The following ATMIN variants were observed in gnomAD, a reference collection of about 807,000 sequenced individuals.
ATMIN encodes the protein ATM INteracting protein.
In ATMIN, 24 loss-of-function variants were observed where a neutral mutation model predicts 49.2. That is an observed-to-expected ratio of 0.49 (90% CI 0.35 to 0.69). The LOEUF (loss-of-function observed/expected upper bound fraction) is 0.69. Ranked by LOEUF, ATMIN falls within the 30% of genes least tolerant of loss-of-function variation. The pLI is 0.00. For synonymous variants in ATMIN, 450 were observed against 392.5 expected (o/e 1.15, Z -1.73); for missense variants, 1,037 against 1,005.5 (o/e 1.03, Z -0.42).
chr16:81,036,292 G>A (rs2151735348), intron 1 of ATMIN, 86 bp downstream of exon 1: 1 of 1,105,484 alleles, frequency 9.0e-7, no homozygotes, highest in Non-Finnish European at 1.1e-6. Flanking sequence ...CGGCCTCGGG[G>A]GGACGAGCGC....
intron 3 of ATMIN, 117 bp downstream of exon 3, chr16:81,042,597 G>A (rs2278021): frequency 0.011 from 11,425 of 1,081,690 alleles, 219 homozygotes; most frequent in East Asian, 0.057. Flanking sequence ...AATGTGTGAC[G>A]TGGAAGAAGG....
In ATMIN at chr16:81,042,261, C is replaced by G. The variant is rs756777295; in HGVS notation, c.463-20C>G. ...ACCAGTTGCTGTTTTTCACCTTAGT[C>G]CCTTCTGCGTTCCTCCTAGCACTTT... On this transcript the variant is annotated intron_variant, in intron 2 of 3. Coordinates refer to ENST00000299575, the MANE Select transcript of ATMIN (RefSeq NM_015251.3). 6.0e-5 allele frequency: 96 copies of G among 1,610,550 alleles called. No individual in the cohort carries two copies. Among genetic ancestry groups the G allele is most frequent in the Non-Finnish European group, 7.9e-5 (93 of 1,178,756 alleles).
intron 1 of ATMIN, chr16:81,037,552 GT>G: frequency 1.1e-6 from 1 of 934,964 alleles, no homozygotes; most frequent in Non-Finnish European, 1.3e-6. Context: ...GCACTCAAGT[GT>G]AACTCTGGGA....
rs746827076 is a variant in ATMIN, at chr16:81,044,707, GAC to G, written c.2213_2214del (p.Thr738ArgfsTer5). Reference protein sequence around the residue: ...SSFSVSTDSSDTETQTEGVST... With the variant: ...SSFSVSTDSSXTETQTEGVST... The stretch of plus-strand genomic sequence containing the variant: ...CTTTTCCGTGAGTACTGATTCATCT[GAC>G]ACAGAGACCCAAACTGAAGGAGTCT... On this transcript the variant is annotated frameshift_variant, in exon 4 of 4. Transcript: ENST00000299575. LOFTEE classifies it high-confidence loss of function. 1 of 1,614,082 alleles carries G rather than the reference GAC, an allele frequency of 6.2e-7. No individual in the cohort carries two copies. The highest frequency in any genetic ancestry group is 1.3e-5 in the African/African-American group (1 of 74,926).
In ATMIN at chr16:81,039,926, G is replaced by A. The variant is rs928902333; in HGVS notation, c.337-1430G>A. Among the ~76,000 whole-genome samples, 10 of 152,158 alleles carry A rather than the reference G, an allele frequency of 6.6e-5. No homozygotes were observed. The South Asian group carries it at 1.0e-3, about 16-fold the overall frequency. On this transcript the variant is annotated intron_variant, in intron 1 of 3. Coordinates refer to ENST00000299575, the MANE Select transcript of ATMIN (RefSeq NM_015251.3). ...TTAGAATAAGATGACAAAGCAAACC[G>A]TTTCCTTCTTGGATGCTTTCTCGGA...
rs2602430 is a variant in ATMIN at position 81,035,844 on chromosome 16, A to G, written c.-27A>G. Reference sequence around the variant, plus strand: ...GCTGCGGCGGGGGCGGGGCCTACGAACTGGGCCGGGCGGCCGTGCGGGAGC... The same window carrying G: ...GCTGCGGCGGGGGCGGGGCCTACGAGCTGGGCCGGGCGGCCGTGCGGGAGC... On this transcript the variant is annotated 5_prime_UTR_variant, in exon 1 of 4. Coordinates refer to ENST00000299575, the MANE Select transcript of ATMIN (RefSeq NM_015251.3). 0.99 allele frequency: 738,030 copies of G among 743,496 alleles called. 366,513 individuals carry two copies. Among genetic ancestry groups the G allele is most frequent in the East Asian group, 1 (7,660 of 7,660 alleles). The allele number at this position is 743,496 out of a possible 1,614,324, so 46.1% of individuals were successfully genotyped here.
chr16:81,043,570 G>A lies in ATMIN; in HGVS notation c.1072G>A (p.Glu358Lys). Residue 358 changes from glutamate (E) to lysine (K), a missense_variant, in exon 4 of 4, where the codon GAG (glutamate) becomes AAG (lysine). Coordinates refer to ENST00000299575, the MANE Select transcript of ATMIN (RefSeq NM_015251.3). The part of the protein sequence containing the change: ...VGTLILGLDS[E>K]ACSLKESLPL... ...AACCCTGATCCTCGGCCTAGATTCAGAGGCTTGCTCTCTTAAGGAGAGCCT... is the reference window on the plus strand; with the variant it reads ...AACCCTGATCCTCGGCCTAGATTCAAAGGCTTGCTCTCTTAAGGAGAGCCT... 1 of 1,614,132 alleles carries A rather than the reference G, an allele frequency of 6.2e-7. No homozygotes were observed. The highest frequency in any genetic ancestry group is 1.1e-5 in the South Asian group (1 of 91,080).
rs1971086297 is a variant in ATMIN at position 81,044,445 on chromosome 16, T to C, written c.1947T>C (p.Thr649=). 5 of 1,614,072 alleles carry C rather than the reference T, an allele frequency of 3.1e-6. No homozygotes were observed. The highest frequency in any genetic ancestry group is 3.4e-6 in the Non-Finnish European group (4 of 1,180,008). Residue 649 remains threonine, a synonymous_variant, in exon 4 of 4, where the codon ACT becomes ACC. Transcript: ENST00000299575. The part of the protein sequence containing the change: ...EEFFSASNIQ[T]QTEESELSTM... ...TCTTTTCGGCCTCAAATATCCAGAC[T>C]CAAACTGAAGAGAGTGAACTTAGCA...
chr16:81,044,526 C>G lies in ATMIN; in HGVS notation c.2028C>G (p.Phe676Leu). The change falls in exon 4 of 4, where the codon TTC becomes TTG. Residue 676 changes from phenylalanine to leucine, a missense_variant. By Grantham distance (22) the Phe-to-Leu change is conservative (BLOSUM62 0). Coordinates refer to ENST00000299575, the MANE Select transcript of ATMIN (RefSeq NM_015251.3). ...ESLDIETQTD[F>L]LLADTSAQSY... ...TGGACATAGAGACTCAAACGGACTT[C>G]TTACTCGCAGATACCTCTGCTCAGT... The G allele has an allele frequency of 6.2e-7, 1 of 1,614,084 alleles. No individual in the cohort carries two copies. The highest frequency in any genetic ancestry group is 1.3e-5 in the African/African-American group (1 of 74,998).
intron 1 of ATMIN, among the ~76,000 whole-genome samples, chr16:81,038,233 C>T (rs1266933632): frequency 1.3e-5 from 2 of 151,942 alleles, no homozygotes; most frequent in African/African-American, 4.8e-5. Context: ...CAGGTTCAAG[C>T]GAGTCTCCTG....
intron 1 of ATMIN, chr16:81,037,593 T>C: frequency 1.4e-6 from 1 of 725,368 alleles, no homozygotes; most frequent in Non-Finnish European, 1.7e-6. Flanking sequence ...TTTGTTTTCA[T>C]ACTAAATTTT....
rs773439448 is a variant in ATMIN, at chr16:81,043,494, T to C, written c.996T>C (p.Val332=). Residue 332 remains valine, a synonymous_variant, in exon 4 of 4, where the codon GTT becomes GTC. Transcript: ENST00000299575. The part of the protein sequence containing the change: ...DSSAQPVVLG[V]DQGSATGAVH... ...CAGCCCAGCCTGTGGTGTTAGGTGT[T>C]GATCAGGGCTCTGCCACAGGGGCTG... 8 of 1,614,058 alleles carry C rather than the reference T, an allele frequency of 5.0e-6. No homozygotes were observed. The African/African-American group carries it at 9.3e-5, about 19-fold the overall frequency.
chr16:81,046,546 G>A lies in ATMIN; in HGVS notation c.*1576G>A, dbSNP rs1009876785. ...GAATGCTTTGTGTGTTTTGAGGTAG[G>A]AGCATGATCAAGTATGCTTTGGGGA... is the stretch of plus-strand genomic sequence containing the variant. On this transcript the variant is annotated 3_prime_UTR_variant, in exon 4 of 4. Coordinates refer to ENST00000299575, the MANE Select transcript of ATMIN (RefSeq NM_015251.3). 3.3e-5 allele frequency: 5 copies of A among 152,090 alleles called. No individual in the cohort carries two copies. The highest frequency in any genetic ancestry group is 7.4e-5 in the Non-Finnish European group (5 of 68,020). 9.4% of individuals were successfully genotyped at this position (152,090 alleles called of 1,614,324 possible). A position where few individuals can be genotyped will look rare whatever the true frequency, so the allele number is the denominator to read the frequency against.
Position 81,044,440 on chromosome 16 carries a change from C to G in ATMIN, c.1942C>G (p.Gln648Glu). The change falls in exon 4 of 4, where the codon CAG (glutamine) becomes GAG (glutamate). Residue 648 changes from glutamine (Q) to glutamate (E), a missense_variant. By Grantham distance (29) the Gln-to-Glu change is conservative (BLOSUM62 2). Transcript: ENST00000299575. Reference protein sequence around the residue: ...IEEFFSASNIQTQTEESELST... With the variant: ...IEEFFSASNIETQTEESELST... ...AGAGTTCTTTTCGGCCTCAAATATC[C>G]AGACTCAAACTGAAGAGAGTGAACT... 6.2e-7 allele frequency: 1 copy of G among 1,614,094 alleles called. No individual in the cohort carries two copies. The highest frequency in any genetic ancestry group is 8.5e-7 in the Non-Finnish European group (1 of 1,180,024).
rs1971098084 is a variant in ATMIN, at chr16:81,045,154, T to G, written c.*184T>G. The G allele has an allele frequency of 1.2e-5, 9 of 770,788 alleles. No homozygotes were observed. Among genetic ancestry groups the G allele is most frequent in the Non-Finnish European group, 1.8e-5 (9 of 512,664 alleles). 47.7% of individuals were successfully genotyped at this position (770,788 alleles called of 1,614,324 possible). The stretch of plus-strand genomic sequence containing the variant: ...TTTGCGTATAAATGTGAGTGTATTA[T>G]AAAGTTTGAGATGTTGATCTAAATT... On this transcript the variant is annotated 3_prime_UTR_variant, in exon 4 of 4. Coordinates refer to ENST00000299575, the MANE Select transcript of ATMIN (RefSeq NM_015251.3).
chr16:81,042,296 C>T lies in ATMIN; in HGVS notation c.478C>T (p.His160Tyr). The change falls in exon 3 of 4, where the codon CAT becomes TAT. Residue 160 changes from histidine (H) to tyrosine (Y), a missense_variant. Coordinates refer to ENST00000299575, the MANE Select transcript of ATMIN (RefSeq NM_015251.3). ...SLVKQHFMKM[H>Y]AEKKHKCSKC... The stretch of plus-strand genomic sequence containing the variant: ...TTCCTCCTAGCACTTTATGAAAATG[C>T]ATGCTGAGAAGAAGCACAAATGTAG... 2 of 1,613,302 alleles carry T rather than the reference C, an allele frequency of 1.2e-6. No individual in the cohort carries two copies. Among genetic ancestry groups the T allele is most frequent in the Non-Finnish European group, 1.7e-6 (2 of 1,179,898 alleles).
At position 81,046,076 on chromosome 16, in the gene ATMIN, A is replaced by G. The variant is rs13861; in HGVS notation, c.*1106A>G. Reference sequence around the variant, plus strand: ...CTTGGGAACAGGGAGTTATGGAAACATGCCTATGACTTCATCTTGGGGTGT... The same window carrying G: ...CTTGGGAACAGGGAGTTATGGAAACGTGCCTATGACTTCATCTTGGGGTGT... On this transcript the variant is annotated 3_prime_UTR_variant, in exon 4 of 4. Coordinates refer to ENST00000299575, the MANE Select transcript of ATMIN (RefSeq NM_015251.3). 0.87 allele frequency: 132,675 copies of G among 152,006 alleles called. 59,658 individuals carry two copies. Among genetic ancestry groups the G allele is most frequent in the Non-Finnish European group, 0.98 (66,497 of 68,038 alleles). 9.4% of individuals were successfully genotyped at this position (152,006 alleles called of 1,614,324 possible).
At position 81,041,404 on chromosome 16, in the gene ATMIN, A is replaced by C; in HGVS notation, c.385A>C (p.Lys129Gln). 1 of 1,613,918 alleles carries C rather than the reference A, an allele frequency of 6.2e-7. No homozygotes were observed. Among genetic ancestry groups the C allele is most frequent in the Non-Finnish European group, 8.5e-7 (1 of 1,179,962 alleles). The part of the protein sequence containing the change: ...TIRKDLKTGP[K>Q]FYCCPIEGCP... ...AAGAAAAGATTTGAAAACTGGACCG[A>C]AATTCTACTGCTGTCCAATTGAAGG... The change falls in exon 2 of 4, where the codon AAA becomes CAA. Residue 129 changes from lysine to glutamine, a missense_variant. By Grantham distance (53) the Lys-to-Gln change is moderately conservative (BLOSUM62 1). Transcript: ENST00000299575.
intron 3 of ATMIN, 92 bp from the exon 4 acceptor site, chr16:81,043,068 TG>T: frequency 7.0e-7 from 1 of 1,435,324 alleles, no homozygotes; most frequent in Non-Finnish European, 9.4e-7. Flanking sequence ...CTGCTATAGA[TG>T]GGGGAAATGG....
Sources: gnomAD v4.1 joint callset for allele counts (sites outside exome capture counted in the v4.1 genomes callset) on GRCh38, gnomAD v4.1.1 for gene constraint, MANE v1.5 for transcripts, NCBI Gene and HGNC (gene_info 2026-07-23, HGNC 2026-07-21) for gene names.